The following GRB10 variants were observed in gnomAD, a reference collection of about 807,000 sequenced individuals.
GRB10 encodes growth factor receptor-bound protein 10.
Under a neutral mutation model 80.9 loss-of-function variants are expected in GRB10, and 20 were observed. The observed-to-expected ratio is 0.25, with a 90% CI of 0.17 to 0.36. The LOEUF is 0.36. Among genes scored for constraint, GRB10 ranks in the 10% least tolerant of loss-of-function variants. The pLI, the probability that GRB10 is intolerant of heterozygous loss-of-function variation, is 1.00. For synonymous variants in GRB10, 291 were observed against 291.5 expected (o/e 1.00, Z 0.02); for missense variants, 548 against 747.7 (o/e 0.73, Z 3.12).
intron 7 of GRB10, among the ~76,000 whole-genome samples, chr7:50,647,439 C>T (rs2715108): frequency 0.048 from 7,366 of 152,246 alleles, 591 homozygotes; most frequent in African/African-American, 0.17. Flanking sequence ...GGGGAGGGTG[C>T]GGATGTGCCC....
chr7:50,777,571 G>A (rs115913007), intron 2 of GRB10, among the ~76,000 whole-genome samples: 1 of 150,940 alleles, frequency 6.6e-6, no homozygotes, highest in African/African-American at 2.4e-5. Flanking sequence ...TTTTTTTTAA[G>A]AGAGGACTGT....
intron 9 of GRB10, 73 bp from the exon 10 acceptor site, chr7:50,618,212 G>T: frequency 8.8e-7 from 1 of 1,142,034 alleles, no homozygotes; most frequent in Non-Finnish European, 1.3e-6. Context: ...ATATAGATAT[G>T]TCAATTTTAA....
rs1190558595 is a variant in GRB10 at position 50,659,184 on chromosome 7, T to C, written c.504+10538A>G. ...TTTCTGTAAGATTTTTCAGATCCTCTAAAATCAAACGGGAAATGTAGAATT... is the reference window on the plus strand; with the variant it reads ...TTTCTGTAAGATTTTTCAGATCCTCCAAAATCAAACGGGAAATGTAGAATT... On this transcript the variant is annotated intron_variant, in intron 7 of 18. Coordinates refer to ENST00000401949, the MANE Select transcript of GRB10 (RefSeq NM_001350814.2). Among the ~76,000 whole-genome samples, 5 of 152,322 alleles carry C rather than the reference T, an allele frequency of 3.3e-5. No homozygotes were observed. The East Asian group carries it at 9.6e-4, about 29-fold the overall frequency.
chr7:50,671,990 G>A (rs2060406099), intron 6 of GRB10, among the ~76,000 whole-genome samples: 1 of 152,248 alleles, frequency 6.6e-6, no homozygotes, highest in African/African-American at 2.4e-5. Context: ...TGAGGGGCGA[G>A]GTCCTTCTTC....
intron 3 of GRB10, among the ~76,000 whole-genome samples, chr7:50,745,055 T>C (rs10235705): frequency 0.015 from 2,249 of 152,334 alleles, 33 homozygotes; most frequent in Middle Eastern, 0.048. Context: ...ATTCATGACA[T>C]AGCCTTTTCT....
chr7:50,633,107 G>A (rs763014688), intron 7 of GRB10, among the ~76,000 whole-genome samples: 1 of 152,200 alleles, frequency 6.6e-6, no homozygotes, highest in African/African-American at 2.4e-5. Flanking sequence ...CTACTGGCCT[G>A]TAGGGTGAAC....
intron 8 of GRB10, among the ~76,000 whole-genome samples, chr7:50,622,215 A>C (rs2051905035): frequency 1.3e-5 from 2 of 152,196 alleles, no homozygotes; most frequent in Admixed American, 1.3e-4. Context: ...TCTATTTATA[A>C]ATTTTAGTGG....
intron 5 of GRB10, among the ~76,000 whole-genome samples, chr7:50,684,316 C>G (rs1286390426): frequency 9.1e-6 from 1 of 110,004 alleles, no homozygotes; most frequent in Non-Finnish European, 1.8e-5. Flanking sequence ...TCACTCTGTA[C>G]TTTGATTCCA....
Position 50,782,678 on chromosome 7 carries a change from C to G in GRB10, c.-581G>C, listed in dbSNP as rs2078429728. 6.6e-6 allele frequency: 1 copy of G among 151,910 alleles called. No homozygotes were observed. The highest frequency in any genetic ancestry group is 1.5e-5 in the Non-Finnish European group (1 of 67,966). The allele number at this position is 151,910 out of a possible 1,614,324, so 9.4% of individuals were successfully genotyped here. A position where few individuals can be genotyped will look rare whatever the true frequency, so the allele number is the denominator to read the frequency against. On this transcript the variant is annotated 5_prime_UTR_variant, in exon 1 of 19. Transcript: ENST00000401949. The surrounding 1 kb of genome is among the most constrained non-coding windows in gnomAD (Gnocchi z 6.6). ...CGCTAGCACGAAAAGCGGGCCAACG[C>G]CGCCTCTGGGGACGCCATCCGGGCG...
In GRB10 at chr7:50,595,458, A is replaced by G. The variant is rs2046461015; in HGVS notation, c.1617T>C (p.Ile539=). Residue 539 remains isoleucine (I), a synonymous_variant, in exon 18 of 19, where the codon ATT becomes ATC. Coordinates refer to ENST00000401949, the MANE Select transcript of GRB10 (RefSeq NM_001350814.2). The part of the protein sequence containing the change: ...FVLTLCHHQK[I]KNFQILPCED... ...TTACAGGTAAGATCTGGAAATTTTT[A>G]ATTTTCTGGTGATGACACAGTGTGA... 2 of 1,597,286 alleles carry G rather than the reference A, an allele frequency of 1.3e-6. No homozygotes were observed. The highest frequency in any genetic ancestry group is 1.7e-6 in the Non-Finnish European group (2 of 1,164,744).
At chr7:50,622,117 C>A (rs2051881945) in intron 8 of GRB10, among the ~76,000 whole-genome samples, 1 of 152,238 alleles carries the variant, frequency 6.6e-6, no homozygotes, top group Admixed American at 6.5e-5. Context: ...GAGCTGTCAG[C>A]AAGCTCAGGG....
intron 4 of GRB10, among the ~76,000 whole-genome samples, chr7:50,729,670 C>T (rs919701326): frequency 2.6e-5 from 4 of 152,122 alleles, no homozygotes; most frequent in African/African-American, 4.8e-5. Context: ...TTGCTTCAGA[C>T]CTTTTGATTT....
intron 3 of GRB10, among the ~76,000 whole-genome samples, chr7:50,734,475 G>A (rs544200081): frequency 1.2e-4 from 19 of 152,006 alleles, no homozygotes; most frequent in South Asian, 6.3e-4. Context: ...CACGCACGCC[G>A]CACGCCTCCC....
chr7:50,637,070 G>A (rs2055187677), intron 7 of GRB10, among the ~76,000 whole-genome samples: 1 of 152,114 alleles, frequency 6.6e-6, no homozygotes, highest in Non-Finnish European at 1.5e-5. Flanking sequence ...TCCATCTCCT[G>A]GCCTCAAGTG....
At chr7:50,657,230 G>A (rs944926986) in intron 7 of GRB10, among the ~76,000 whole-genome samples, 1 of 152,212 alleles carries the variant, frequency 6.6e-6, no homozygotes, top group African/African-American at 2.4e-5. Context: ...TGGGCAGATG[G>A]AAAGAGCTGA....
chr7:50,593,089 C>T lies in GRB10; in HGVS notation c.1648G>A (p.Asp550Asn), dbSNP rs746154687. 18 of 1,614,152 alleles carry T rather than the reference C, an allele frequency of 1.1e-5. No individual in the cohort carries two copies. Among genetic ancestry groups the T allele is most frequent in the East Asian group, 1.1e-4 (5 of 44,874 alleles). The change falls in exon 19 of 19, where the codon GAC (aspartate) becomes AAC (asparagine). Residue 550 changes from aspartate (D) to asparagine (N), a missense_variant. Physicochemically the swap from Asp to Asn is conservative, Grantham distance 23. Transcript: ENST00000401949. Reference sequence around the variant, plus strand: ...TCTAGGCTGAAGAACGTCTGCCCGTCGTCCTCGCACTGGAGAGACACAAGA... The same window carrying T: ...TCTAGGCTGAAGAACGTCTGCCCGTTGTCCTCGCACTGGAGAGACACAAGA... ...KNFQILPCED[D>N]GQTFFSLDDG...
Position 50,592,526 on chromosome 7 carries a change from A to C in GRB10, c.*426T>G, listed in dbSNP as rs2045948844. Reference sequence around the variant, plus strand: ...ACATCCCCCTCCTACAATAGGCTGAATACAATATTGAAAACAAAGAAGGAG... The same window carrying C: ...ACATCCCCCTCCTACAATAGGCTGACTACAATATTGAAAACAAAGAAGGAG... On this transcript the variant is annotated 3_prime_UTR_variant, in exon 19 of 19. Transcript: ENST00000401949. 3.7e-6 allele frequency: 1 copy of C among 269,208 alleles called. No individual in the cohort carries two copies. The highest frequency in any genetic ancestry group is 4.3e-5 in the South Asian group (1 of 23,516). 16.7% of individuals were successfully genotyped at this position (269,208 alleles called of 1,614,324 possible).
At chr7:50,619,463 G>A (rs1236338092) in intron 8 of GRB10, among the ~76,000 whole-genome samples, 178 bp from the exon 9 acceptor site, 2 of 152,208 alleles carry the variant, frequency 1.3e-5, no homozygotes, top group Admixed American at 6.5e-5. Flanking sequence ...ATGCATAAGA[G>A]GTCTTAAGAT....
intron 2 of GRB10, among the ~76,000 whole-genome samples, chr7:50,759,993 G>C (rs1025333264): frequency 6.6e-6 from 1 of 152,148 alleles, no homozygotes; most frequent in African/African-American, 2.4e-5. Context: ...TCAATTTCAG[G>C]GTCAAGCAGG....
Sources: gnomAD v4.1 joint callset for allele counts (sites outside exome capture counted in the v4.1 genomes callset) on GRCh38, gnomAD v4.1.1 for gene constraint, Gnocchi (gnomAD v3.1) non-coding constraint, MANE v1.5 for transcripts, NCBI Gene and HGNC (gene_info 2026-07-23, HGNC 2026-07-21) for gene names.